Variants in WASL observed in about 807,000 individuals in gnomAD.
The protein encoded by WASL is WASP like actin nucleation promoting factor, also known as actin nucleation-promoting factor WASL.
In WASL, 20 loss-of-function variants were observed where a neutral mutation model predicts 55.5. That is an observed-to-expected ratio of 0.36 (90% CI 0.25 to 0.52). The LOEUF is 0.52. Ranked by LOEUF, WASL falls within the 20% of genes least tolerant of loss-of-function variation. The probability of loss-of-function intolerance (pLI) is 0.92; values close to 1 mark genes in which losing one functional copy is unlikely to be tolerated. For synonymous variants in WASL, 249 were observed against 217.6 expected (o/e 1.14, Z -1.27); for missense variants, 504 against 622.5 (o/e 0.81, Z 2.03).
At chr7:123,684,657 T>C in intron 10 of WASL, 77 bp from the exon 11 acceptor site, 1 of 1,385,972 alleles carries the variant, frequency 7.2e-7, no homozygotes, top group African/African-American at 1.5e-5. Flanking sequence ...GTTTCTCCAA[T>C]TATTTAACTC....
intron 10 of WASL, among the ~76,000 whole-genome samples, chr7:123,688,502 AG>A (rs1200860905): frequency 6.6e-6 from 1 of 152,160 alleles, no homozygotes; most frequent in African/African-American, 2.4e-5. Context: ...CTGGAATTAC[AG>A]GCATGCGCCA....
At chr7:123,730,340 TTAAAA>T (rs1421359012) in intron 1 of WASL, among the ~76,000 whole-genome samples, 1 of 152,168 alleles carries the variant, frequency 6.6e-6, no homozygotes, top group Non-Finnish European at 1.5e-5. Context: ...AATAGTTTGA[TTAAAA>T]TAACAGTAGA....
chr7:123,699,255 A>C (rs1028356748), intron 5 of WASL, among the ~76,000 whole-genome samples: 2 of 152,016 alleles, frequency 1.3e-5, no homozygotes, highest in Non-Finnish European at 2.9e-5. Context: ...GTGTGTGCCT[A>C]TAATCCCTGC....
chr7:123,706,445 G>C, intron 3 of WASL, 72 bp from the exon 4 acceptor site: 1 of 1,363,878 alleles, frequency 7.3e-7, no homozygotes, highest in Non-Finnish European at 1.0e-6. Flanking sequence ...AAAACAATGA[G>C]GAAAAGAAGT....
intron 1 of WASL, among the ~76,000 whole-genome samples, chr7:123,730,894 GC>G (rs1448222167): frequency 2.6e-5 from 4 of 152,044 alleles, no homozygotes; most frequent in African/African-American, 9.7e-5. Flanking sequence ...GGTAATTGTC[GC>G]CCAGGTAATC....
chr7:123,744,226 A>AAC (rs1804393075), intron 1 of WASL, among the ~76,000 whole-genome samples: 1 of 152,196 alleles, frequency 6.6e-6, no homozygotes, highest in African/African-American at 2.4e-5. Flanking sequence ...TCAGCAGCAC[A>AAC]ACTAAACCAT....
chr7:123,740,439 A>G (rs944548372), intron 1 of WASL, among the ~76,000 whole-genome samples: 2 of 149,394 alleles, frequency 1.3e-5, no homozygotes, highest in East Asian at 2.0e-4. Flanking sequence ...CTACTAACAT[A>G]GATGCAATAA....
intron 1 of WASL, among the ~76,000 whole-genome samples, chr7:123,727,660 AATT>A (rs1804073821): frequency 6.6e-6 from 1 of 152,210 alleles, no homozygotes; most frequent in South Asian, 2.1e-4. Context: ...GAGAGGCAGG[AATT>A]AGAAAGGAAC....
intron 1 of WASL, among the ~76,000 whole-genome samples, chr7:123,717,012 A>C (rs750231744): frequency 7.2e-5 from 11 of 152,264 alleles, no homozygotes; most frequent in Admixed American, 2.0e-4. Flanking sequence ...CTAATTTGTC[A>C]TATTTTTGCC....
chr7:123,746,296 G>A (rs1329146945), intron 1 of WASL, among the ~76,000 whole-genome samples: 1 of 152,212 alleles, frequency 6.6e-6, no homozygotes, highest in Non-Finnish European at 1.5e-5. Flanking sequence ...AATGAAAGAA[G>A]AAATGAAGCT....
Position 123,682,633 on chromosome 7 carries a change from A to T in WASL, c.*1886T>A, listed in dbSNP as rs902809272. On this transcript the variant is annotated 3_prime_UTR_variant, in exon 11 of 11. Coordinates refer to ENST00000223023, the MANE Select transcript of WASL (RefSeq NM_003941.4). The stretch of plus-strand genomic sequence containing the variant: ...TGAAGACATTTCTAGGAAATTTAAA[A>T]TGTTTTTTATATTGTCAAAAAGAAA... 2.0e-5 allele frequency: 3 copies of T among 152,198 alleles called. No homozygotes were observed. The highest frequency in any genetic ancestry group is 6.8e-3 in the Middle Eastern group (2 of 294). 9.4% of individuals were successfully genotyped at this position (152,198 alleles called of 1,614,324 possible).
chr7:123,727,536 T>C (rs1804071508), intron 1 of WASL, among the ~76,000 whole-genome samples: 1 of 152,046 alleles, frequency 6.6e-6, no homozygotes, highest in Non-Finnish European at 1.5e-5. Flanking sequence ...ATGTGTACAA[T>C]AACAGAGATG....
chr7:123,724,531 T>C (rs1176493697), intron 1 of WASL, among the ~76,000 whole-genome samples: 1 of 152,214 alleles, frequency 6.6e-6, no homozygotes, highest in Non-Finnish European at 1.5e-5. Context: ...TAGGGTTTGC[T>C]TCACCAAAAC....
At chr7:123,728,608 G>A (rs1364186308) in intron 1 of WASL, among the ~76,000 whole-genome samples, 2 of 152,104 alleles carry the variant, frequency 1.3e-5, no homozygotes, top group South Asian at 2.1e-4. Context: ...TTGGGAGGCC[G>A]AGGCAGGCAG....
At position 123,722,365 on chromosome 7, in the gene WASL, A is replaced by T. The variant is rs187850422; in HGVS notation, c.118-13142T>A. 8.7e-3 allele frequency among the ~76,000 whole-genome samples: 1,327 copies of T among 152,334 alleles called. 10 individuals carry two copies. The highest frequency in any genetic ancestry group is 0.032 in the South Asian group (155 of 4,828). ...GTTCCTAATAAAAATAATTTAAAGAATCGTATTTATTCACAAAATGTCTGG... is the reference window on the plus strand; with the variant it reads ...GTTCCTAATAAAAATAATTTAAAGATTCGTATTTATTCACAAAATGTCTGG... On this transcript the variant is annotated intron_variant, in intron 1 of 10. Transcript: ENST00000223023.
chr7:123,744,924 G>A (rs892832782), intron 1 of WASL, among the ~76,000 whole-genome samples: 5 of 152,076 alleles, frequency 3.3e-5, no homozygotes, highest in African/African-American at 1.2e-4. Flanking sequence ...TACATATCAT[G>A]TATTTATGTA....
At chr7:123,732,236 A>C (rs1804151946) in intron 1 of WASL, among the ~76,000 whole-genome samples, 1 of 152,224 alleles carries the variant, frequency 6.6e-6, no homozygotes, top group East Asian at 1.9e-4. Flanking sequence ...AGGCTGAGGC[A>C]GGAGAATGGC....
intron 4 of WASL, among the ~76,000 whole-genome samples, chr7:123,705,705 A>G (rs1803657745): frequency 6.6e-6 from 1 of 152,114 alleles, no homozygotes; most frequent in South Asian, 2.1e-4. Flanking sequence ...TTGTTCTATA[A>G]TTGTTTTATA....
chr7:123,700,203 A>AAAAC (rs1803561962), intron 5 of WASL, among the ~76,000 whole-genome samples: 1 of 71,912 alleles, frequency 1.4e-5, no homozygotes, highest in African/African-American at 5.1e-5. Flanking sequence ...AAAAAAAAAA[A>AAAAC]AAAACAACAT....
Sources: gnomAD v4.1 joint callset for allele counts (sites outside exome capture counted in the v4.1 genomes callset) on GRCh38, gnomAD v4.1.1 for gene constraint, MANE v1.5 for transcripts, NCBI Gene and HGNC (gene_info 2026-07-23, HGNC 2026-07-21) for gene names.